ASTN2: variants seen among roughly 807,000 people sequenced by gnomAD.
ASTN2 encodes astrotactin 2, also known as astrotactin-2.
A neutral mutation model predicts 139.8 loss-of-function variants in ASTN2; 54 were observed. The ratio of observed to expected loss-of-function variants is 0.39; its 90% confidence interval spans 0.31 to 0.48. ASTN2 has a LOEUF of 0.48. Among genes scored for constraint, ASTN2 ranks in the 20% least tolerant of loss-of-function variants. The pLI is 0.95. For synonymous variants in ASTN2, 756 were observed against 719.5 expected, an observed-to-expected ratio of 1.05 and a Z score of -0.81; for missense variants, 1,565 against 1,725.1, an observed-to-expected ratio of 0.91 and a Z score of 1.64.
At chr9:116,525,836 C>T (rs919342877) in intron 19 of ASTN2, among the ~76,000 whole-genome samples, 1 of 152,092 alleles carries the variant, frequency 6.6e-6, no homozygotes, top group African/African-American at 2.4e-5. Context: ...TTACAGTCAC[C>T]CTAAATAATG....
intron 6 of ASTN2, among the ~76,000 whole-genome samples, chr9:117,025,360 C>A (rs193266691): frequency 2.0e-5 from 3 of 152,160 alleles, no homozygotes; most frequent in Non-Finnish European, 4.4e-5. Flanking sequence ...CATGCCCCCC[C>A]TTTTGGGGTA....
At chr9:117,006,843 G>A (rs144871186) in intron 7 of ASTN2, among the ~76,000 whole-genome samples, 175 of 152,236 alleles carry the variant, frequency 1.1e-3, no homozygotes, top group African/African-American at 3.6e-3. Flanking sequence ...TAGGCTGGGC[G>A]TGATGGCTCA....
chr9:117,321,524 T>TA (rs1304817762), intron 1 of ASTN2, among the ~76,000 whole-genome samples: 1 of 152,124 alleles, frequency 6.6e-6, no homozygotes, highest in Non-Finnish European at 1.5e-5. Flanking sequence ...TAGCTCCTAG[T>TA]AAAAAATTCA....
chr9:117,014,378 C>T (rs552619218), intron 6 of ASTN2, among the ~76,000 whole-genome samples: 1 of 152,230 alleles, frequency 6.6e-6, no homozygotes, highest in East Asian at 1.9e-4. Context: ...TGGGTAAAGG[C>T]AACCTGGATA....
At chr9:117,084,672 T>C (rs1373615475) in intron 5 of ASTN2, among the ~76,000 whole-genome samples, 1 of 152,218 alleles carries the variant, frequency 6.6e-6, no homozygotes, top group East Asian at 1.9e-4. Flanking sequence ...ATTCCCCTTA[T>C]AATGGTTATC....
chr9:117,200,996 C>CTTTTTTTTTTT (rs777675838), intron 3 of ASTN2, among the ~76,000 whole-genome samples: 2 of 94,970 alleles, frequency 2.1e-5, no homozygotes, highest in Non-Finnish European at 3.9e-5. Context: ...TGGTCCTGGG[C>CTTTTTTTTTTT]TTTTTTTTTT....
chr9:117,166,313 G>GTC (rs1355901216), intron 3 of ASTN2, among the ~76,000 whole-genome samples: 2 of 152,054 alleles, frequency 1.3e-5, no homozygotes, highest in Non-Finnish European at 2.9e-5. Flanking sequence ...TGGCTCCCCT[G>GTC]TCTCTCTCCT....
intron 20 of ASTN2, among the ~76,000 whole-genome samples, chr9:116,464,745 T>A (rs575882138): frequency 6.6e-6 from 1 of 152,320 alleles, no homozygotes; most frequent in Non-Finnish European, 1.5e-5. Flanking sequence ...CTGTTTTTTG[T>A]TTGTTTCCCA....
At chr9:117,401,655 T>G (rs1250131993) in intron 1 of ASTN2, among the ~76,000 whole-genome samples, 1 of 152,146 alleles carries the variant, frequency 6.6e-6, no homozygotes, top group Non-Finnish European at 1.5e-5. Context: ...TTTTAAGCTT[T>G]GCAGGCTAGA....
intron 1 of ASTN2, among the ~76,000 whole-genome samples, chr9:117,306,479 G>A (rs192621473): frequency 6.6e-6 from 1 of 152,106 alleles, no homozygotes; most frequent in African/African-American, 2.4e-5. Flanking sequence ...CCACTGATGT[G>A]CTGTTTCACC....
At chr9:116,693,837 T>G (rs1034352717) in intron 16 of ASTN2, among the ~76,000 whole-genome samples, 1 of 152,362 alleles carries the variant, frequency 6.6e-6, no homozygotes, top group Middle Eastern at 3.4e-3. Flanking sequence ...TGACCTTCTA[T>G]CTGAGTCATT....
intron 5 of ASTN2, among the ~76,000 whole-genome samples, chr9:117,049,888 T>C (rs1838865498): frequency 6.6e-6 from 1 of 152,094 alleles, no homozygotes; most frequent in Non-Finnish European, 1.5e-5. Flanking sequence ...CTCAATAGAT[T>C]AAATTGCAGT....
chr9:116,582,389 G>A (rs1159141467), intron 19 of ASTN2: 1 of 152,204 alleles, frequency 6.6e-6, no homozygotes, highest in African/African-American at 2.4e-5. Flanking sequence ...TACAAATAAT[G>A]ATGGTCAAAT....
chr9:116,474,595 A>G (rs7048905), intron 20 of ASTN2, among the ~76,000 whole-genome samples: 133,104 of 152,196 alleles, frequency 0.87, 59,274 homozygotes, highest in Non-Finnish European at 0.95. Context: ...GGAGATGGGC[A>G]TAGGGGGAAG....
chr9:117,332,359 T>G (rs559728012), intron 1 of ASTN2, among the ~76,000 whole-genome samples: 1 of 152,130 alleles, frequency 6.6e-6, no homozygotes, highest in East Asian at 1.9e-4. Context: ...TCACTTGAGG[T>G]CAGGAGTTCA....
chr9:117,105,514 T>C (rs1490177332), intron 4 of ASTN2, among the ~76,000 whole-genome samples: 5 of 152,194 alleles, frequency 3.3e-5, no homozygotes, highest in Non-Finnish European at 7.3e-5. Context: ...TGAAGTCCAG[T>C]CCTTGTGGAA....
chr9:117,252,699 T>C (rs1833572325), intron 2 of ASTN2, among the ~76,000 whole-genome samples: 1 of 152,224 alleles, frequency 6.6e-6, no homozygotes, highest in South Asian at 2.1e-4. Flanking sequence ...ATTTGTCAAA[T>C]AAAGAAGCTG....
intron 19 of ASTN2, among the ~76,000 whole-genome samples, chr9:116,617,647 C>G (rs1027282847): frequency 2.6e-5 from 4 of 152,174 alleles, no homozygotes; most frequent in Admixed American, 1.3e-4. Flanking sequence ...ACATTTAGCT[C>G]CGTGCCTGGC....
intron 5 of ASTN2, among the ~76,000 whole-genome samples, chr9:117,051,929 G>A (rs565517387): frequency 2.0e-5 from 3 of 152,210 alleles, no homozygotes; most frequent in South Asian, 2.1e-4. Context: ...GAAAAAAGAG[G>A]TATTGGTATA....
Sources: allele counts gnomAD v4.1 joint callset (sites outside exome capture counted in the v4.1 genomes callset), GRCh38; gene constraint gnomAD v4.1.1; transcripts MANE v1.5; gene names NCBI Gene and HGNC (gene_info 2026-07-23, HGNC 2026-07-21).